Variants in GALNT13 observed in about 807,000 individuals in gnomAD.
GALNT13 encodes UDP-GalNAc:polypeptide N-acetylgalactosaminyltransferase 13.
A neutral mutation model predicts 64.2 loss-of-function variants in GALNT13; 28 were observed. The observed-to-expected ratio is 0.44, with a 90% CI of 0.32 to 0.60. The LOEUF is 0.60. Ranked by LOEUF, GALNT13 falls within the 20% of genes least tolerant of loss-of-function variation. GALNT13 has a pLI of 0.05. For missense variants in GALNT13, 577 were observed against 669.8 expected (o/e 0.86, Z 1.53); for synonymous variants, 214 against 224.6 (o/e 0.95, Z 0.42).
At chr2:154,291,751 C>G (rs892852627) in intron 8 of GALNT13, among the ~76,000 whole-genome samples, 97 of 152,268 alleles carry the variant, frequency 6.4e-4, no homozygotes, top group African/African-American at 2.0e-3. Flanking sequence ...GCCCCCACAG[C>G]ACAGCGGCCT....
chr2:153,153,295 T>C, the GALNT13 span, among the ~76,000 whole-genome samples: 1 of 148,954 alleles, frequency 6.7e-6, no homozygotes, highest in Non-Finnish European at 1.5e-5. Context: ...AGATGCTGTA[T>C]ATTAGACTTT....
the GALNT13 span, among the ~76,000 whole-genome samples, chr2:153,517,293 A>G: frequency 6.6e-6 from 1 of 152,310 alleles, no homozygotes; most frequent in Admixed American, 6.5e-5. Context: ...ATTCAGATTC[A>G]ATAGACCCTG....
intron 2 of GALNT13, among the ~76,000 whole-genome samples, chr2:153,941,066 T>A (rs1465869873): frequency 6.6e-6 from 1 of 152,084 alleles, no homozygotes; most frequent in African/African-American, 2.4e-5. Context: ...AACATCAAAA[T>A]TTTTTTTGAG....
chr2:154,378,230 G>C (rs1243554600), intron 9 of GALNT13, among the ~76,000 whole-genome samples: 3 of 152,032 alleles, frequency 2.0e-5, no homozygotes, highest in Non-Finnish European at 2.9e-5. Flanking sequence ...AGGCTGTTCT[G>C]CTATACTTGC....
intron 3 of GALNT13, among the ~76,000 whole-genome samples, chr2:154,051,134 G>T (rs962825874): frequency 5.9e-5 from 9 of 152,160 alleles, no homozygotes; most frequent in African/African-American, 1.2e-4. Context: ...ATCAGTGGTT[G>T]TCTTAGTGGA....
At chr2:153,852,614 A>C in the GALNT13 span, among the ~76,000 whole-genome samples, 2 of 152,208 alleles carry the variant, frequency 1.3e-5, no homozygotes, top group Non-Finnish European at 2.9e-5. Flanking sequence ...AAAATCAGTA[A>C]GTGTATGAAA....
chr2:153,408,744 T>A, the GALNT13 span, among the ~76,000 whole-genome samples: 10 of 151,920 alleles, frequency 6.6e-5, no homozygotes, highest in African/African-American at 1.9e-4. Flanking sequence ...TTTGCTAAAC[T>A]AATTAGCCTA....
chr2:153,590,503 C>T, the GALNT13 span, among the ~76,000 whole-genome samples: 1 of 151,946 alleles, frequency 6.6e-6, no homozygotes, highest in Non-Finnish European at 1.5e-5. Context: ...ACACTGATAC[C>T]AAAACCAGAC....
chr2:153,838,689 G>GTTCTTC, the GALNT13 span, among the ~76,000 whole-genome samples: 2 of 151,850 alleles, frequency 1.3e-5, no homozygotes, highest in African/African-American at 4.8e-5. Flanking sequence ...TTAAAATCAG[G>GTTCTTC]TAGTGTGATG....
At chr2:153,418,395 TTTG>T in the GALNT13 span, among the ~76,000 whole-genome samples, 1 of 152,044 alleles carries the variant, frequency 6.6e-6, no homozygotes, top group African/African-American at 2.4e-5. Context: ...AACCACTAAG[TTTG>T]TTGTAATTTG....
the GALNT13 span, among the ~76,000 whole-genome samples, chr2:153,757,985 T>G: frequency 6.6e-6 from 1 of 152,298 alleles, no homozygotes; most frequent in Admixed American, 6.5e-5. Flanking sequence ...GTTTTAAGTG[T>G]GATATAATCC....
chr2:153,330,645 G>A, the GALNT13 span, among the ~76,000 whole-genome samples: 1 of 151,206 alleles, frequency 6.6e-6, no homozygotes, highest in Non-Finnish European at 1.5e-5. Flanking sequence ...TTTCTTTATC[G>A]AAGTTGTTTA....
chr2:153,763,134 T>C, the GALNT13 span, among the ~76,000 whole-genome samples: 2,150 of 152,194 alleles, frequency 0.014, 47 homozygotes, highest in African/African-American at 0.048. Context: ...TGTATTTTTA[T>C]TAACTATCAT....
chr2:153,942,954 T>A (rs561525112), intron 2 of GALNT13, among the ~76,000 whole-genome samples: 1 of 152,314 alleles, frequency 6.6e-6, no homozygotes, highest in South Asian at 2.1e-4. Context: ...TTCAAGTGTC[T>A]TTGTATTTAA....
intron 9 of GALNT13, among the ~76,000 whole-genome samples, chr2:154,392,704 A>G (rs1442126801): frequency 6.6e-6 from 1 of 152,220 alleles, no homozygotes; most frequent in African/African-American, 2.4e-5. Flanking sequence ...TCTTAGTGTT[A>G]TGGAAAATCA....
the GALNT13 span, among the ~76,000 whole-genome samples, chr2:153,708,039 G>A: frequency 1.7e-3 from 256 of 152,080 alleles, 1 homozygote; most frequent in African/African-American, 6.1e-3. Context: ...ATGTTAAAAC[G>A]GATCTTTCCA....
At chr2:153,536,589 G>C in the GALNT13 span, among the ~76,000 whole-genome samples, 1 of 152,046 alleles carries the variant, frequency 6.6e-6, no homozygotes, top group African/African-American at 2.4e-5. Context: ...ACAGGTATAT[G>C]CTTATCATTT....
intron 9 of GALNT13, among the ~76,000 whole-genome samples, chr2:154,356,614 A>G (rs1006615651): frequency 2.6e-5 from 4 of 151,890 alleles, no homozygotes; most frequent in African/African-American, 9.7e-5. Flanking sequence ...GTAAATAACT[A>G]CCTTTCCTCA....
the GALNT13 span, among the ~76,000 whole-genome samples, chr2:153,779,249 G>C: frequency 2.6e-5 from 4 of 151,798 alleles, no homozygotes; most frequent in Non-Finnish European, 5.9e-5. Context: ...TTTGTTAAAA[G>C]TTTGACTTTT....
Sources: gnomAD v4.1 joint callset for allele counts (sites outside exome capture counted in the v4.1 genomes callset) on GRCh38, gnomAD v4.1.1 for gene constraint, MANE v1.5 for transcripts, NCBI Gene and HGNC (gene_info 2026-07-23, HGNC 2026-07-21) for gene names.